PSMD1: variants seen among roughly 807,000 people sequenced by gnomAD.
PSMD1 encodes 26S proteasome non-ATPase regulatory subunit 1.
Under a neutral mutation model 119.0 loss-of-function variants are expected in PSMD1, and 18 were observed. The observed-to-expected ratio is 0.15, with a 90% CI of 0.10 to 0.22. The LOEUF (loss-of-function observed/expected upper bound fraction) is 0.22, where lower values mean the gene tolerates loss of function less well. Among genes scored for constraint, PSMD1 ranks in the 10% least tolerant of loss-of-function variants. The probability of loss-of-function intolerance (pLI) is 1.00; values close to 1 mark genes in which losing one functional copy is unlikely to be tolerated. For missense variants in PSMD1, 702 were observed against 1,158.5 expected, an observed-to-expected ratio of 0.61 and a Z score of 5.72; for synonymous variants, 374 against 396.6, an observed-to-expected ratio of 0.94 and a Z score of 0.68.
intron 16 of PSMD1, among the ~76,000 whole-genome samples, chr2:231,113,203 G>C (rs1695216040): frequency 6.6e-6 from 1 of 152,102 alleles, no homozygotes; most frequent in African/African-American, 2.4e-5. Flanking sequence ...CACTGAAGCA[G>C]ACACTTAACT....
intron 16 of PSMD1, among the ~76,000 whole-genome samples, chr2:231,126,760 G>A (rs1486891546): frequency 6.6e-6 from 1 of 151,856 alleles, no homozygotes; most frequent in Non-Finnish European, 1.5e-5. Flanking sequence ...TTGGTACTCT[G>A]ATTTTTTTTA....
chr2:231,151,773 C>A (rs906282705), intron 18 of PSMD1, among the ~76,000 whole-genome samples: 1 of 147,688 alleles, frequency 6.8e-6, no homozygotes, highest in African/African-American at 2.5e-5. Flanking sequence ...CTTGACTTGT[C>A]GAACCAGAAT....
intron 19 of PSMD1, 144 bp from the exon 20 acceptor site, chr2:231,161,196 C>T: frequency 1.3e-6 from 1 of 773,692 alleles, no homozygotes; most frequent in Non-Finnish European, 2.0e-6. Context: ...CAGTGTTTCA[C>T]TCTGTCACCC....
At chr2:231,057,658 T>C (rs934360732) in intron 1 of PSMD1, among the ~76,000 whole-genome samples, 1 of 152,264 alleles carries the variant, frequency 6.6e-6, no homozygotes, top group East Asian at 1.9e-4. Context: ...AGCCTACTTA[T>C]ACCCTTTCGA....
intron 1 of PSMD1, among the ~76,000 whole-genome samples, chr2:231,059,251 G>A (rs1306184572): frequency 6.6e-6 from 1 of 152,112 alleles, no homozygotes; most frequent in East Asian, 1.9e-4. Context: ...TAAGTTTATT[G>A]GATTACTTGT....
chr2:231,103,214 G>A (rs1049292587), intron 16 of PSMD1, among the ~76,000 whole-genome samples: 14 of 152,134 alleles, frequency 9.2e-5, no homozygotes, highest in African/African-American at 3.1e-4. Flanking sequence ...GACCCATATA[G>A]CATGGTATTT....
intron 17 of PSMD1, among the ~76,000 whole-genome samples, chr2:231,143,620 T>C (rs574669348): frequency 2.9e-4 from 44 of 152,306 alleles, no homozygotes; most frequent in African/African-American, 9.9e-4. Context: ...ATCAAATACA[T>C]TGGACAAATG....
At chr2:231,128,523 A>C (rs1695779774) in intron 16 of PSMD1, among the ~76,000 whole-genome samples, 1 of 152,236 alleles carries the variant, frequency 6.6e-6, no homozygotes, top group Non-Finnish European at 1.5e-5. Context: ...CTGTTATTTT[A>C]ACGAAAGACT....
chr2:231,144,940 A>C (rs1438406421), intron 17 of PSMD1, among the ~76,000 whole-genome samples: 2 of 152,194 alleles, frequency 1.3e-5, no homozygotes, highest in Non-Finnish European at 2.9e-5. Context: ...GGTGTTTATC[A>C]AATGTTAATC....
At chr2:231,109,421 G>A (rs1695081809) in intron 16 of PSMD1, 2 of 1,611,806 alleles carry the variant, frequency 1.2e-6, no homozygotes, top group East Asian at 2.2e-5. Flanking sequence ...TAAGGAAGAG[G>A]AAAACAAGAT....
At chr2:231,167,133 A>G (rs1395465747) in intron 23 of PSMD1, among the ~76,000 whole-genome samples, 2 of 152,104 alleles carry the variant, frequency 1.3e-5, no homozygotes, top group African/African-American at 4.8e-5. Flanking sequence ...CCTGATCTGT[A>G]GTAGTTGCTG....
intron 16 of PSMD1, among the ~76,000 whole-genome samples, chr2:231,127,779 A>G (rs1250129021): frequency 1.3e-5 from 2 of 152,244 alleles, no homozygotes; most frequent in African/African-American, 2.4e-5. Context: ...AAATATTTCT[A>G]TGCAAATAAT....
chr2:231,072,398 G>A lies in PSMD1; in HGVS notation c.864G>A (p.Pro288=), dbSNP rs761346386. The change falls in exon 7 of 25, where the codon CCG becomes CCA. Residue 288 remains proline (P), a synonymous_variant. Transcript: ENST00000308696. ...GATCCACTAATACGGGTACTGTTCC[G>A]GGATCAGAGAAAGACAGGTATAAGT... ...VPGSTNTGTV[P]GSEKDSDSME... is the part of the protein sequence containing the mutation. The A allele has an allele frequency of 1.2e-5, 19 of 1,611,348 alleles. No individual in the cohort carries two copies. The highest frequency in any genetic ancestry group is 2.2e-5 in the South Asian group (2 of 91,012).
intron 16 of PSMD1, among the ~76,000 whole-genome samples, chr2:231,134,737 C>G (rs1695930907): frequency 6.6e-6 from 1 of 152,178 alleles, no homozygotes; most frequent in African/African-American, 2.4e-5. Context: ...AGAATTGTGC[C>G]CATTCAAGAC....
chr2:231,156,791 C>T (rs1024650101), intron 19 of PSMD1, among the ~76,000 whole-genome samples: 1 of 152,024 alleles, frequency 6.6e-6, no homozygotes. Context: ...ATTAACATAT[C>T]TGTCACCTTA....
chr2:231,076,908 T>C, intron 8 of PSMD1, 126 bp from the exon 9 acceptor site: 1 of 773,282 alleles, frequency 1.3e-6, no homozygotes, highest in Non-Finnish European at 1.9e-6. Flanking sequence ...AAGAAAGAAA[T>C]AAATTATCCT....
intron 23 of PSMD1, among the ~76,000 whole-genome samples, chr2:231,166,536 A>G (rs917742986): frequency 6.6e-5 from 10 of 150,822 alleles, no homozygotes; most frequent in African/African-American, 2.4e-4. Flanking sequence ...TCATTACACC[A>G]TTGTCATAAA....
chr2:231,063,744 G>A (rs367883992), intron 4 of PSMD1, among the ~76,000 whole-genome samples: 37 of 152,312 alleles, frequency 2.4e-4, no homozygotes, highest in African/African-American at 8.4e-4. Flanking sequence ...AGGATGGACC[G>A]TATTATTTGA....
chr2:231,086,022 G>C (rs1337885507), intron 15 of PSMD1, among the ~76,000 whole-genome samples: 1 of 151,678 alleles, frequency 6.6e-6, no homozygotes, highest in African/African-American at 2.4e-5. Flanking sequence ...TAATGCAGCT[G>C]AAATAGTCTT....
Sources: allele counts gnomAD v4.1 joint callset (sites outside exome capture counted in the v4.1 genomes callset), GRCh38; gene constraint gnomAD v4.1.1; transcripts MANE v1.5; gene names NCBI Gene and HGNC (gene_info 2026-07-23, HGNC 2026-07-21).